Variants in ADGRL2 observed in about 807,000 individuals in gnomAD.
ADGRL2 encodes the protein adhesion G protein-coupled receptor L2.
Under a neutral mutation model 157.4 loss-of-function variants are expected in ADGRL2, and 44 were observed. The ratio of observed to expected loss-of-function variants is 0.28; its 90% CI spans 0.22 to 0.36. The LOEUF is 0.36. ADGRL2 is among the 10% of genes least tolerant of loss of function. ADGRL2 has a pLI of 1.00. For missense variants in ADGRL2, 1,510 were observed against 1,768.9 expected, an observed-to-expected ratio of 0.85 and a Z score of 2.63; for synonymous variants, 585 against 624.7, an observed-to-expected ratio of 0.94 and a Z score of 0.95.
chr1:81,486,449 C>T (rs146224743), intron 2 of ADGRL2, among the ~76,000 whole-genome samples: 5 of 151,972 alleles, frequency 3.3e-5, no homozygotes, highest in African/African-American at 9.6e-5. Context: ...GTACTAACTA[C>T]TTTGGGAAAA....
At chr1:81,743,556 A>G (rs183958273) in intron 1 of ADGRL2, among the ~76,000 whole-genome samples, 2 of 152,192 alleles carry the variant, frequency 1.3e-5, no homozygotes, top group African/African-American at 4.8e-5. Flanking sequence ...TTAGAAGAAT[A>G]AAAAAGACTA....
chr1:81,882,740 AATTTT>A (rs762437642), intron 2 of ADGRL2, among the ~76,000 whole-genome samples: 2 of 152,204 alleles, frequency 1.3e-5, no homozygotes, highest in Non-Finnish European at 2.9e-5. Flanking sequence ...GCCCTCAAAT[AATTTT>A]ATGTGGGGCT....
At chr1:81,850,331 CCT>C (rs3838458) in intron 2 of ADGRL2, among the ~76,000 whole-genome samples, 34,718 of 151,740 alleles carry the variant, frequency 0.23, 5,253 homozygotes, top group East Asian at 0.68. Context: ...TCCCCCTCCT[CCT>C]CTTTTACCCC....
At chr1:81,358,957 T>C (rs2075921513) in intron 1 of ADGRL2, among the ~76,000 whole-genome samples, 1 of 151,812 alleles carries the variant, frequency 6.6e-6, no homozygotes, top group South Asian at 2.1e-4. Flanking sequence ...CAGAAGTTAA[T>C]TAGAGGAAGA....
intron 15 of ADGRL2, among the ~76,000 whole-genome samples, chr1:81,969,598 G>A (rs557318442): frequency 4.6e-5 from 7 of 152,158 alleles, no homozygotes; most frequent in South Asian, 2.1e-4. Flanking sequence ...AGATACAGTC[G>A]AATTTTTCTG....
At chr1:81,503,590 A>C (rs2078902995) in intron 2 of ADGRL2, 1 of 1,129,496 alleles carries the variant, frequency 8.9e-7, no homozygotes, top group South Asian at 1.5e-5. Flanking sequence ...AGACATTGAG[A>C]GTTTGGACGT....
At chr1:81,376,152 A>G (rs753745900) in intron 1 of ADGRL2, among the ~76,000 whole-genome samples, 1 of 152,210 alleles carries the variant, frequency 6.6e-6, no homozygotes, top group Non-Finnish European at 1.5e-5. Context: ...TCAGTTATCA[A>G]ACTTTGAAAA....
chr1:81,558,264 T>C (rs1239948938), intron 2 of ADGRL2, among the ~76,000 whole-genome samples: 2 of 152,174 alleles, frequency 1.3e-5, no homozygotes, highest in Non-Finnish European at 2.9e-5. Flanking sequence ...CATAGGTTTT[T>C]TATAAAGAAG....
chr1:81,966,033 C>T (rs1324939472), intron 11 of ADGRL2, 25 bp from the exon 12 acceptor site: 5 of 1,604,596 alleles, frequency 3.1e-6, no homozygotes, highest in Non-Finnish European at 3.4e-6. Flanking sequence ...TTTTCCCCAC[C>T]TCCTTTATCT....
rs765239918 is a variant in ADGRL2 at position 81,343,090 on chromosome 1, T to TC, written c.-302+36581_-302+36582insC. On this transcript the variant is annotated intron_variant, in intron 1 of 24. Transcript: ENST00000370721. ...TTCTTTTCTTTTTTTCTTTTTTCTT[T>TC]TCTTTTTTTTTTTTTTGAGACAGAA... Among the ~76,000 whole-genome samples the TC allele has an allele frequency of 7.3e-3, 918 of 125,404 alleles. 17 individuals carry two copies. Among genetic ancestry groups the TC allele is most frequent in the Non-Finnish European group, 0.013 (749 of 58,414 alleles). 82.3% of individuals were successfully genotyped at this position (125,404 alleles called of 152,430 possible).
chr1:81,819,262 A>G (rs1205326762), intron 1 of ADGRL2, among the ~76,000 whole-genome samples: 3 of 152,112 alleles, frequency 2.0e-5, no homozygotes, highest in Non-Finnish European at 2.9e-5. Context: ...TTGGCATTTG[A>G]TTGAATGCGA....
chr1:81,638,664 A>T lies in ADGRL2; in HGVS notation c.-143+57684A>T, dbSNP rs75087692. Among the ~76,000 whole-genome samples, 118 of 152,210 alleles carry T rather than the reference A, an allele frequency of 7.8e-4. 1 individual carries two copies. The highest frequency in any genetic ancestry group is 2.7e-3 in the Admixed American group (41 of 15,292). On this transcript the variant is annotated intron_variant, in intron 3 of 24. Transcript: ENST00000370721. ...AAACTCTAGGGCAGCCACTGGAAAA[A>T]AACTTTAAAAACAAGTATAACTGAT...
At chr1:81,932,384 C>T (rs112935242) in intron 3 of ADGRL2, among the ~76,000 whole-genome samples, 4,873 of 152,250 alleles carry the variant, frequency 0.032, 252 homozygotes, top group African/African-American at 0.11. Context: ...TTGATTTCTA[C>T]ACTTAGAATT....
chr1:81,418,644 C>T (rs1262528218), intron 1 of ADGRL2, among the ~76,000 whole-genome samples: 1 of 152,062 alleles, frequency 6.6e-6, no homozygotes, highest in African/African-American at 2.4e-5. Context: ...GTCCCAGCTA[C>T]TCGGGAGGCT....
chr1:81,531,658 G>A (rs77556161), intron 2 of ADGRL2, among the ~76,000 whole-genome samples: 7,447 of 152,118 alleles, frequency 0.049, 593 homozygotes, highest in African/African-American at 0.17. Context: ...TAATAAGTTA[G>A]ATCGGGGGAA....
chr1:81,696,687 G>A (rs1280353428), upstream of ADGRL2, among the ~76,000 whole-genome samples: 2 of 152,174 alleles, frequency 1.3e-5, no homozygotes, highest in African/African-American at 4.8e-5. Flanking sequence ...GGGAGGCGGA[G>A]CTTGCAGTGA....
At chr1:81,451,808 T>C (rs142265740) in intron 2 of ADGRL2, among the ~76,000 whole-genome samples, 36 of 152,230 alleles carry the variant, frequency 2.4e-4, no homozygotes, top group African/African-American at 7.7e-4. Flanking sequence ...AATTTTTTGT[T>C]AATTAAAACC....
intron 2 of ADGRL2, among the ~76,000 whole-genome samples, chr1:81,860,409 T>C (rs896127016): frequency 2.0e-5 from 3 of 152,208 alleles, no homozygotes; most frequent in Admixed American, 6.5e-5. Flanking sequence ...ATTCCTGGCC[T>C]CTGGTGATCC....
At chr1:81,578,153 T>A (rs2080833243) in intron 2 of ADGRL2, among the ~76,000 whole-genome samples, 1 of 152,192 alleles carries the variant, frequency 6.6e-6, no homozygotes, top group Admixed American at 6.5e-5. Context: ...TTGTAATAGT[T>A]ATACAATGGG....
Sources: gnomAD v4.1 joint callset for allele counts (sites outside exome capture counted in the v4.1 genomes callset) on GRCh38, gnomAD v4.1.1 for gene constraint, MANE v1.5 for transcripts, NCBI Gene and HGNC (gene_info 2026-07-23, HGNC 2026-07-21) for gene names.